The following CLVS1 variants were observed in gnomAD, a reference collection of about 807,000 sequenced individuals.
The protein encoded by CLVS1 is clavesin-1.
CLVS1 carries 10 observed loss-of-function variants against 33.1 expected under a neutral mutation model. That is an observed-to-expected ratio of 0.30 (90% CI 0.19 to 0.51). The LOEUF is 0.51. Ranked by LOEUF, CLVS1 falls within the 20% of genes least tolerant of loss-of-function variation. The probability of loss-of-function intolerance (pLI) is 0.97; values close to 1 mark genes in which losing one functional copy is unlikely to be tolerated. For missense variants in CLVS1, 343 were observed against 433.4 expected (o/e 0.79, Z 1.85); for synonymous variants, 163 against 166.1 (o/e 0.98, Z 0.14).
At chr8:61,406,621 G>C (rs547237669) in intron 3 of CLVS1, among the ~76,000 whole-genome samples, 113 of 148,586 alleles carry the variant, frequency 7.6e-4, no homozygotes, top group East Asian at 5.8e-4. Context: ...TTTTTTGTGG[G>C]GGGGGGGATG....
At chr8:61,193,896 C>A (rs577640224) in intron 2 of CLVS1, among the ~76,000 whole-genome samples, 1 of 151,816 alleles carries the variant, frequency 6.6e-6, no homozygotes, top group Non-Finnish European at 1.5e-5. Context: ...GGGATTAAAA[C>A]GATAAAACAC....
intron 1 of CLVS1, among the ~76,000 whole-genome samples, chr8:61,113,274 A>C (rs965905312): frequency 6.6e-6 from 1 of 152,164 alleles, no homozygotes; most frequent in Admixed American, 6.5e-5. Flanking sequence ...GCAGCGCAAA[A>C]ATAGAAAATT....
intron 2 of CLVS1, among the ~76,000 whole-genome samples, chr8:61,302,623 G>C (rs1810477787): frequency 6.6e-6 from 1 of 152,190 alleles, no homozygotes; most frequent in African/African-American, 2.4e-5. Context: ...GGCAACAGCT[G>C]TCCTCCCAAA....
chr8:61,425,970 C>T (rs1002549292), intron 3 of CLVS1, among the ~76,000 whole-genome samples: 1 of 152,216 alleles, frequency 6.6e-6, no homozygotes, highest in Non-Finnish European at 1.5e-5. Flanking sequence ...TGATGTATCT[C>T]ACCCTTTAGA....
chr8:61,415,803 A>T (rs1815406056), intron 3 of CLVS1, among the ~76,000 whole-genome samples: 1 of 152,220 alleles, frequency 6.6e-6, no homozygotes, highest in African/African-American at 2.4e-5. Context: ...CAGACTAGTG[A>T]TCCCAAATGG....
chr8:60,966,234 G>A, the CLVS1 span: 6 of 376,028 alleles, frequency 1.6e-5, no homozygotes, highest in African/African-American at 8.4e-5. Flanking sequence ...TAACTAGCGC[G>A]GCTGTGAGTC....
chr8:61,392,948 A>G (rs1814367197), intron 3 of CLVS1, among the ~76,000 whole-genome samples: 1 of 152,034 alleles, frequency 6.6e-6, no homozygotes, highest in Non-Finnish European at 1.5e-5. Flanking sequence ...CAATTGTGCT[A>G]TCTCGGCTCA....
the CLVS1 span, among the ~76,000 whole-genome samples, chr8:60,991,733 C>T: frequency 1.4e-5 from 2 of 147,248 alleles, no homozygotes; most frequent in Non-Finnish European, 3.0e-5. Context: ...TTGGCCTGAT[C>T]AAGCCCCACT....
At chr8:61,159,723 C>T (rs1806716726) in intron 2 of CLVS1, among the ~76,000 whole-genome samples, 2 of 152,136 alleles carry the variant, frequency 1.3e-5, no homozygotes, top group South Asian at 4.1e-4. Flanking sequence ...GAAAGTCAAA[C>T]CTTCATACCT....
chr8:61,083,892 C>A lies in CLVS1; in HGVS notation c.-243+26662C>A, dbSNP rs143419598. On this transcript the variant is annotated intron_variant, in intron 1 of 2. Coordinates refer to the CLVS1 transcript ENST00000522621. ...TCCTGGTGGGATTGATTGGGTGGGGCGAAATAAAGATGTACATTTACTATA... is the reference window on the plus strand; with the variant it reads ...TCCTGGTGGGATTGATTGGGTGGGGAGAAATAAAGATGTACATTTACTATA... 3.9e-3 allele frequency among the ~76,000 whole-genome samples: 599 copies of A among 151,916 alleles called. 7 individuals are homozygous for A. Among genetic ancestry groups the A allele is most frequent in the African/African-American group, 0.014 (566 of 41,416 alleles).
At chr8:61,457,200 G>A (rs528468651) in intron 4 of CLVS1, among the ~76,000 whole-genome samples, 1 of 152,154 alleles carries the variant, frequency 6.6e-6, no homozygotes, top group East Asian at 2.0e-4. Flanking sequence ...GCCTCTCAAA[G>A]TGCTGGGATT....
At chr8:61,346,181 C>A (rs1304476564) in intron 2 of CLVS1, among the ~76,000 whole-genome samples, 5 of 152,124 alleles carry the variant, frequency 3.3e-5, no homozygotes, top group African/African-American at 1.2e-4. Context: ...GAATGTCAGT[C>A]AGCGTTTCTT....
chr8:61,442,426 A>C (rs77837991), intron 3 of CLVS1, among the ~76,000 whole-genome samples: 8 of 152,212 alleles, frequency 5.3e-5, no homozygotes, highest in African/African-American at 1.9e-4. Context: ...TTGTGTAAAC[A>C]TAAGTTTTTA....
chr8:61,335,534 C>T (rs760626849), intron 2 of CLVS1, among the ~76,000 whole-genome samples: 1 of 152,186 alleles, frequency 6.6e-6, no homozygotes, highest in Non-Finnish European at 1.5e-5. Flanking sequence ...TGTACCCAAG[C>T]TTATGCACAA....
rs189521566 is a variant in CLVS1 at position 61,456,692 on chromosome 8, G to A, written c.742-1615G>A. On this transcript the variant is annotated intron_variant, in intron 4 of 5. Transcript: ENST00000325897. ...AGCACTTTGGGAGGCCGAGGCATGC[G>A]GATCACGAGGTCAGGAGATCGAGAC... 2.8e-3 allele frequency among the ~76,000 whole-genome samples: 427 copies of A among 152,054 alleles called. 10 individuals carry two copies. The South Asian group carries it at 0.042, about 15-fold the overall frequency.
intron 2 of CLVS1, among the ~76,000 whole-genome samples, chr8:61,273,345 C>G (rs930952221): frequency 2.0e-5 from 3 of 152,066 alleles, no homozygotes; most frequent in Admixed American, 6.5e-5. Flanking sequence ...GCAGTCTGCC[C>G]GTTCTCAGAT....
chr8:61,449,916 C>T (rs940178047), intron 3 of CLVS1, among the ~76,000 whole-genome samples: 5 of 152,154 alleles, frequency 3.3e-5, no homozygotes, highest in Admixed American at 1.3e-4. Context: ...GAATGTATGA[C>T]TACTTCATCT....
chr8:61,216,673 T>C (rs1160768492), intron 2 of CLVS1, among the ~76,000 whole-genome samples: 1 of 152,186 alleles, frequency 6.6e-6, no homozygotes, highest in African/African-American at 2.4e-5. Context: ...ATAACAAGGA[T>C]TTGAACCCAC....
At position 61,236,450 on chromosome 8, in the gene CLVS1, CT is replaced by C. The variant is rs369990695; in HGVS notation, c.-151-63226del. ...AAAAGGACTCCTTCCAAGATGAAGC[CT>C]GCAGTGGGGCATGCTGACATTTCTG... is the stretch of plus-strand genomic sequence containing the variant. On this transcript the variant is annotated intron_variant, in intron 2 of 2. Transcript: ENST00000522621. Among the ~76,000 whole-genome samples, 172 of 152,296 alleles carry C rather than the reference CT, an allele frequency of 1.1e-3. 1 individual carries two copies. Among genetic ancestry groups the C allele is most frequent in the African/African-American group, 3.8e-3 (156 of 41,546 alleles).
Sources: gnomAD v4.1 joint callset for allele counts (sites outside exome capture counted in the v4.1 genomes callset) on GRCh38, gnomAD v4.1.1 for gene constraint, MANE v1.5 for transcripts, NCBI Gene and HGNC (gene_info 2026-07-23, HGNC 2026-07-21) for gene names.